SLC9C2: variants seen among roughly 807,000 people sequenced by gnomAD.
SLC9C2 encodes the protein solute carrier family 9 member C2 (putative).
A neutral mutation model predicts 140.2 loss-of-function variants in SLC9C2; 75 were observed. The observed-to-expected ratio is 0.53, with a 90% CI of 0.44 to 0.65. The LOEUF (loss-of-function observed/expected upper bound fraction) is 0.65, where lower values mean the gene tolerates loss of function less well. SLC9C2 is among the 30% of genes least tolerant of loss of function. The probability of loss-of-function intolerance (pLI) is 0.00; values close to 1 mark genes in which losing one functional copy is unlikely to be tolerated. For synonymous variants in SLC9C2, 375 were observed against 420.9 expected, an observed-to-expected ratio of 0.89 and a Z score of 1.34; for missense variants, 1,074 against 1,331.8, an observed-to-expected ratio of 0.81 and a Z score of 3.01.
At chr1:173,530,643 G>C (rs1661515037) in intron 17 of SLC9C2, among the ~76,000 whole-genome samples, 2 of 152,116 alleles carry the variant, frequency 1.3e-5, no homozygotes, top group South Asian at 2.1e-4. Flanking sequence ...CTGTGACCTT[G>C]AGCAAGTTAT....
At chr1:173,507,649 T>C (rs913869819) in intron 24 of SLC9C2, among the ~76,000 whole-genome samples, 1 of 152,178 alleles carries the variant, frequency 6.6e-6, no homozygotes, top group Non-Finnish European at 1.5e-5. Context: ...TGGAATAGGT[T>C]GGGCCTCTAA....
intron 12 of SLC9C2, 42 bp downstream of exon 12, chr1:173,548,347 G>A (rs747189638): frequency 7.0e-6 from 11 of 1,575,962 alleles, no homozygotes; most frequent in East Asian, 2.2e-5. Flanking sequence ...GGCAGACCAA[G>A]GGAAGGAAAG....
At chr1:173,571,937 T>C (rs898659) in intron 9 of SLC9C2, among the ~76,000 whole-genome samples, 37,012 of 152,148 alleles carry the variant, frequency 0.24, 5,456 homozygotes, top group East Asian at 0.64. Flanking sequence ...GCCACAATCA[T>C]GGCAAAAACT....
At chr1:173,578,300 C>T (rs1431361243) in intron 7 of SLC9C2, among the ~76,000 whole-genome samples, 1 of 151,998 alleles carries the variant, frequency 6.6e-6, no homozygotes, top group Admixed American at 6.6e-5. Flanking sequence ...GGACTTAAGC[C>T]AATTGATGGT....
intron 9 of SLC9C2, among the ~76,000 whole-genome samples, chr1:173,567,919 C>A (rs143652507): frequency 1.3e-5 from 2 of 152,038 alleles, no homozygotes; most frequent in African/African-American, 4.8e-5. Flanking sequence ...ATTGCATAAA[C>A]GAAGAAATAA....
chr1:173,583,720 A>G (rs1161247340), intron 5 of SLC9C2, 98 bp from the exon 6 acceptor site: 2 of 687,128 alleles, frequency 2.9e-6, no homozygotes, highest in Non-Finnish European at 4.8e-6. Context: ...GAAAAAGAAA[A>G]AAGAGAAAGA....
chr1:173,573,465 T>A, intron 8 of SLC9C2, 140 bp from the exon 9 acceptor site: 3 of 587,728 alleles, frequency 5.1e-6, no homozygotes, highest in Non-Finnish European at 8.1e-6. Flanking sequence ...ATAGTCAACA[T>A]TTAAAAGAAT....
chr1:173,562,971 A>G (rs1664212574), intron 9 of SLC9C2, among the ~76,000 whole-genome samples: 1 of 151,982 alleles, frequency 6.6e-6, no homozygotes, highest in African/African-American at 2.4e-5. Context: ...AGAACTATAC[A>G]GTGAGAAAGA....
chr1:173,588,179 G>A (rs10912652), intron 4 of SLC9C2, among the ~76,000 whole-genome samples: 9,109 of 152,140 alleles, frequency 0.06, 896 homozygotes, highest in African/African-American at 0.2. Context: ...GTGACGTATT[G>A]TGTCTGGTAC....
chr1:173,533,657 T>C lies in SLC9C2; in HGVS notation c.2115A>G (p.Thr705=), dbSNP rs1661746014. The change falls in exon 17 of 28, where the codon ACA becomes ACG. Residue 705 remains threonine (T), a synonymous_variant. Coordinates refer to ENST00000367714, the MANE Select transcript of SLC9C2 (RefSeq NM_178527.4). ...RPDNLALIQL[T]VIMGYLRIIR... ...TTATTCTTAAATATCCCATTATTAC[T>C]GTAAGCTGTATAAGAGCCAAGTTGT... 3.7e-6 allele frequency: 6 copies of C among 1,609,420 alleles called. No individual in the cohort carries two copies. Among genetic ancestry groups the C allele is most frequent in the Non-Finnish European group, 4.2e-6 (5 of 1,176,876 alleles).
chr1:173,580,117 G>A (rs556077322), intron 7 of SLC9C2, among the ~76,000 whole-genome samples: 24 of 152,286 alleles, frequency 1.6e-4, no homozygotes, highest in African/African-American at 4.8e-4. Context: ...AGGTTGGGGC[G>A]GTAGAGGGAA....
At chr1:173,562,453 A>C (rs1467497055) in intron 9 of SLC9C2, among the ~76,000 whole-genome samples, 1 of 152,226 alleles carries the variant, frequency 6.6e-6, no homozygotes. Flanking sequence ...GGAGCTTATT[A>C]ACAGATTAGG....
At chr1:173,524,694 T>G (rs1259712350) in intron 20 of SLC9C2, 85 bp downstream of exon 20, 1 of 1,468,478 alleles carries the variant, frequency 6.8e-7, no homozygotes, top group Non-Finnish European at 9.2e-7. Flanking sequence ...GGTTAAACAA[T>G]TTTTTCAATC....
At chr1:173,528,079 C>T (rs1661333067) in intron 18 of SLC9C2, among the ~76,000 whole-genome samples, 1 of 152,116 alleles carries the variant, frequency 6.6e-6, no homozygotes, top group African/African-American at 2.4e-5. Context: ...TGTAAGACTG[C>T]TCTAGAACGC....
At chr1:173,559,966 C>T (rs1316725796) in intron 9 of SLC9C2, among the ~76,000 whole-genome samples, 2 of 152,132 alleles carry the variant, frequency 1.3e-5, no homozygotes, top group African/African-American at 2.4e-5. Flanking sequence ...TTCACCATGG[C>T]ATAAAATAAA....
At chr1:173,513,572 G>T (rs1156832956) in intron 23 of SLC9C2, among the ~76,000 whole-genome samples, 1 of 151,352 alleles carries the variant, frequency 6.6e-6, no homozygotes, top group East Asian at 1.9e-4. Context: ...CTAGCTAGCG[G>T]TCTATTTTGT....
chr1:173,542,182 C>G (rs1006490345), intron 13 of SLC9C2, among the ~76,000 whole-genome samples: 2 of 152,182 alleles, frequency 1.3e-5, no homozygotes, highest in Non-Finnish European at 1.5e-5. Context: ...GGGATACCAG[C>G]ACTGATCCCA....
At chr1:173,601,535 G>T in intron 2 of SLC9C2, 115 bp downstream of exon 2, 1 of 1,147,952 alleles carries the variant, frequency 8.7e-7, no homozygotes, top group Non-Finnish European at 1.2e-6. Context: ...ATTCACTCAT[G>T]TCTTATCGTT....
chr1:173,518,937 CA>C (rs1660612147), intron 22 of SLC9C2, among the ~76,000 whole-genome samples: 1 of 151,998 alleles, frequency 6.6e-6, no homozygotes, highest in Non-Finnish European at 1.5e-5. Flanking sequence ...GTTGTTCAAC[CA>C]AATACTAATC....
Sources: allele counts gnomAD v4.1 joint callset (sites outside exome capture counted in the v4.1 genomes callset), GRCh38; gene constraint gnomAD v4.1.1; transcripts MANE v1.5; gene names NCBI Gene and HGNC (gene_info 2026-07-23, HGNC 2026-07-21).